ALPL: variants seen among roughly 807,000 people sequenced by gnomAD.
ALPL encodes alkaline phosphatase, biomineralization associated, also known as alkaline phosphatase, tissue-nonspecific isozyme.
A neutral mutation model predicts 51.3 loss-of-function variants in ALPL; 42 were observed. That is an observed-to-expected ratio of 0.82 (90% CI 0.64 to 1.06). ALPL has a LOEUF of 1.06. ALPL is among the 50% of genes least tolerant of loss of function. ALPL has a pLI of 0.00. For missense variants in ALPL, 589 were observed against 709.4 expected, an observed-to-expected ratio of 0.83 and a Z score of 1.93; for synonymous variants, 279 against 296.4, an observed-to-expected ratio of 0.94 and a Z score of 0.60.
intron 11 of ALPL, 32 bp from the exon 12 acceptor site, chr1:21,577,351 G>C (rs1280307107): frequency 6.2e-7 from 1 of 1,612,950 alleles, no homozygotes; most frequent in Admixed American, 1.7e-5. Flanking sequence ...GCCCCTGGCA[G>C]GCTCTCAGCA....
At position 21,541,444 on chromosome 1, in the gene ALPL, G is replaced by A. The variant is rs1173144670; in HGVS notation, c.-104-12534G>A. 2.0e-5 allele frequency among the ~76,000 whole-genome samples: 3 copies of A among 152,336 alleles called. No individual in the cohort carries two copies. The East Asian group carries it at 5.8e-4, about 29-fold the overall frequency. The stretch of plus-strand genomic sequence containing the variant: ...GGCTCCAGCATCCATCTTCACTGCT[G>A]CTGAGCTGTCTCTTCAGCCACCCAC... On this transcript the variant is annotated intron_variant, in intron 1 of 11. Coordinates refer to ENST00000374840, the MANE Select transcript of ALPL (RefSeq NM_000478.6).
chr1:21,526,979 T>C (rs1643952555), intron 1 of ALPL, among the ~76,000 whole-genome samples: 1 of 148,780 alleles, frequency 6.7e-6, no homozygotes, highest in Non-Finnish European at 1.5e-5. Flanking sequence ...TTTTAAAAAA[T>C]TGTCTAATTC....
In ALPL at chr1:21,564,103, G is replaced by A. The variant is rs121918000; in HGVS notation, c.535G>A (p.Ala179Thr). 4.3e-6 allele frequency: 7 copies of A among 1,614,052 alleles called. No individual in the cohort carries two copies. Among genetic ancestry groups the A allele is most frequent in the Non-Finnish European group, 5.9e-6 (7 of 1,180,004 alleles). The change falls in exon 6 of 12, where the codon GCC becomes ACC. Residue 179 changes from alanine to threonine, a missense_variant. Coordinates refer to ENST00000374840, the MANE Select transcript of ALPL (RefSeq NM_000478.6). The surrounding 1 kb of genome is among the most constrained non-coding windows in gnomAD (Gnocchi z 5.8). The stretch of plus-strand genomic sequence containing the variant: ...CCATGCCACCCCCAGCGCCGCCTAC[G>A]CCCACTCGGCTGACCGGGACTGGTA... ...VNHATPSAAY[A>T]HSADRDWYSD...
At chr1:21,558,230 G>A (rs759530697) in intron 2 of ALPL, among the ~76,000 whole-genome samples, 45 of 152,314 alleles carry the variant, frequency 3.0e-4, no homozygotes, top group East Asian at 7.7e-4. Context: ...CAGGGGACCC[G>A]GTGGCAGAGG....
chr1:21,519,544 C>T (rs1643863415), intron 1 of ALPL, among the ~76,000 whole-genome samples: 1 of 152,204 alleles, frequency 6.6e-6, no homozygotes, highest in African/African-American at 2.4e-5. Context: ...CGCATGTAAT[C>T]CCAGCACTTT....
chr1:21,552,692 G>A (rs368113935), intron 1 of ALPL, among the ~76,000 whole-genome samples: 2 of 152,014 alleles, frequency 1.3e-5, no homozygotes, highest in East Asian at 3.9e-4. Context: ...TGGGATTACA[G>A]GCATGTTACC....
At chr1:21,525,355 A>G (rs1167962836) in intron 1 of ALPL, among the ~76,000 whole-genome samples, 5 of 152,214 alleles carry the variant, frequency 3.3e-5, no homozygotes, top group Non-Finnish European at 5.9e-5. Flanking sequence ...CATGGCCCAT[A>G]GACTTGGCTG....
chr1:21,536,724 G>C (rs1012023409), intron 1 of ALPL, among the ~76,000 whole-genome samples: 3 of 152,034 alleles, frequency 2.0e-5, no homozygotes, highest in Non-Finnish European at 2.9e-5. Context: ...CAGGCTGAAA[G>C]GGGGAGGGTC....
In ALPL at chr1:21,577,528, GT is replaced by G; in HGVS notation, c.1456del (p.Tyr486MetfsTer35). 6.2e-7 allele frequency: 1 copy of G among 1,607,452 alleles called. No individual in the cohort carries two copies. The highest frequency in any genetic ancestry group is 8.5e-7 in the Non-Finnish European group (1 of 1,179,890). ...AGAACTACGTCCCCCACGTGATGGC[GT>G]ATGCAGCCTGCATCGGGGCCAACCT... ...EQNYVPHVMA[Y>X]AACIGANLGH... On this transcript the variant is annotated frameshift_variant, in exon 12 of 12. Transcript: ENST00000374840. LOFTEE classifies it low-confidence loss of function (END_TRUNC).
At chr1:21,541,784 G>A (rs1644189826) in intron 1 of ALPL, among the ~76,000 whole-genome samples, 1 of 152,236 alleles carries the variant, frequency 6.6e-6, no homozygotes, top group South Asian at 2.1e-4. Context: ...GAAGCACAGA[G>A]TGCAGAGGTG....
At chr1:21,576,881 CCT>C (rs61227130) in intron 11 of ALPL, among the ~76,000 whole-genome samples, 1,887 of 152,262 alleles carry the variant, frequency 0.012, 41 homozygotes, top group African/African-American at 0.034. Flanking sequence ...GCTTCAGTTT[CCT>C]CTCTAAAAGG....
Position 21,560,879 on chromosome 1 carries a change from C to T in ALPL, c.181+134C>T. 9 of 1,261,110 alleles carry T rather than the reference C, an allele frequency of 7.1e-6. No individual in the cohort carries two copies. The South Asian group carries it at 1.1e-4, about 15-fold the overall frequency. 78.1% of individuals were successfully genotyped at this position (1,261,110 alleles called of 1,614,324 possible). ...GAAGGGTGTTTAAAAGGATGAGGGG[C>T]CAGGCTGTGGATTCAAGAGGCCTGC... is the stretch of plus-strand genomic sequence containing the variant. On this transcript the variant is annotated intron_variant, in intron 3 of 11. Transcript: ENST00000374840.
chr1:21,564,364 G>A lies in ALPL; in HGVS notation c.648+148G>A, dbSNP rs956691878. On this transcript the variant is annotated intron_variant, in intron 6 of 11. Coordinates refer to ENST00000374840, the MANE Select transcript of ALPL (RefSeq NM_000478.6). This position sits in a 1 kb window ranked among gnomAD's most constrained non-coding sequence, Gnocchi z 5.8. ...GCTCCCAGCCCATTAGGGGATTTGC[G>A]GTTGGGCAGGCAGGCACTGTGGGAT... is the stretch of plus-strand genomic sequence containing the variant. 2.5e-5 allele frequency: 27 copies of A among 1,060,318 alleles called. No homozygotes were observed. In the Admixed American group the frequency reaches 5.3e-4, roughly 21 times the overall value. The allele number at this position is 1,060,318 out of a possible 1,614,324, so 65.7% of individuals were successfully genotyped here. A position where few individuals can be genotyped will look rare whatever the true frequency, so the allele number is the denominator to read the frequency against.
At chr1:21,568,361 C>A in intron 7 of ALPL, 114 bp downstream of exon 7, 1 of 1,421,988 alleles carries the variant, frequency 7.0e-7, no homozygotes, top group Non-Finnish European at 9.7e-7. Context: ...GGAAATCTTT[C>A]CTCCATGGGC....
At chr1:21,541,611 C>T (rs553912455) in intron 1 of ALPL, among the ~76,000 whole-genome samples, 4 of 152,358 alleles carry the variant, frequency 2.6e-5, no homozygotes, top group African/African-American at 9.6e-5. Context: ...AGGGTGACAA[C>T]CTATGATTCT....
Position 21,561,188 on chromosome 1 carries a change from G to T in ALPL, c.273G>T (p.Lys91Asn), listed in dbSNP as rs1644480193. Residue 91 changes from lysine to asparagine, a missense_variant, in exon 4 of 12, where the codon AAG becomes AAT. Lys to Asn is a moderately conservative substitution (Grantham distance 94). Coordinates refer to ENST00000374840, the MANE Select transcript of ALPL (RefSeq NM_000478.6). ...AGGAGACCAGGCTGGAGATGGACAA[G>T]TTCCCCTTCGTGGCCCTCTCCAAGG... is the stretch of plus-strand genomic sequence containing the variant. ...PGEETRLEMD[K>N]FPFVALSKTY... 6.2e-7 allele frequency: 1 copy of T among 1,612,344 alleles called. No homozygotes were observed. The highest frequency in any genetic ancestry group is 1.3e-5 in the African/African-American group (1 of 74,970).
intron 1 of ALPL, among the ~76,000 whole-genome samples, chr1:21,552,766 CAT>C (rs1644350003): frequency 6.6e-6 from 1 of 152,150 alleles, no homozygotes; most frequent in South Asian, 2.1e-4. Context: ...TTTTACTTAA[CAT>C]ATAATAATTG....
chr1:21,539,632 C>T (rs530876798), intron 1 of ALPL, among the ~76,000 whole-genome samples: 221 of 151,050 alleles, frequency 1.5e-3, no homozygotes, highest in African/African-American at 5.2e-3. Context: ...TGTGTACCCT[C>T]TCTGTGTCTT....
At chr1:21,534,173 G>T (rs761425158) in intron 1 of ALPL, among the ~76,000 whole-genome samples, 2 of 152,102 alleles carry the variant, frequency 1.3e-5, no homozygotes, top group Non-Finnish European at 2.9e-5. Context: ...ACAGGATTTC[G>T]CCATGTTCCC....
Sources: allele counts gnomAD v4.1 joint callset (sites outside exome capture counted in the v4.1 genomes callset), GRCh38; gene constraint gnomAD v4.1.1; non-coding constraint Gnocchi (gnomAD v3.1); transcripts MANE v1.5; gene names NCBI Gene and HGNC (gene_info 2026-07-23, HGNC 2026-07-21).